Variants in ANTXRL observed in about 807,000 individuals in gnomAD.
ANTXRL encodes the protein anthrax toxin receptor-like.
ANTXRL carries 63 observed loss-of-function variants against 75.4 expected under a neutral mutation model. The observed-to-expected ratio is 0.84, with a 90% confidence interval of 0.68 to 1.03. The LOEUF (loss-of-function observed/expected upper bound fraction) is 1.03. ANTXRL is among the 50% of genes least tolerant of loss of function. The pLI, the probability that ANTXRL is intolerant of heterozygous loss-of-function variation, is 0.00. For synonymous variants in ANTXRL, 335 were observed against 291.3 expected (o/e 1.15, Z -1.53); for missense variants, 797 against 789.4 (o/e 1.01, Z -0.12).
Position 46,313,267 on chromosome 10 carries a change from AC to A in ANTXRL, c.1362del (p.His454GlnfsTer23). The A allele has an allele frequency of 6.5e-7, 1 of 1,535,818 alleles. No homozygotes were observed. Among genetic ancestry groups the A allele is most frequent in the Non-Finnish European group, 8.7e-7 (1 of 1,146,706 alleles). On this transcript the variant is annotated frameshift_variant, in exon 16 of 17. Transcript: ENST00000620264. LOFTEE classifies it high-confidence loss of function. ...CTGGATACCTTTTGTGACCTCTCTC[AC>A]GCAAGCTGCCACCAGGTGCCATGGA... Reference protein sequence around the residue: ...GNLDTFCDLSHASCHQVPWMC... With the variant: ...GNLDTFCDLSXASCHQVPWMC...
chr10:46,316,964 C>G (rs956074883), intron 16 of ANTXRL, among the ~76,000 whole-genome samples: 7 of 152,142 alleles, frequency 4.6e-5, no homozygotes, highest in Non-Finnish European at 8.8e-5. Context: ...CATGTGAGTG[C>G]ACACTGCAAG....
At chr10:46,298,765 C>T (rs1350579689) in intron 9 of ANTXRL, among the ~76,000 whole-genome samples, 5 of 147,230 alleles carry the variant, frequency 3.4e-5, no homozygotes, top group Non-Finnish European at 6.0e-5. Flanking sequence ...TGTGTGTTTG[C>T]TATTTATGTG....
chr10:46,294,050 T>C (rs1263012836), intron 3 of ANTXRL, 150 bp downstream of exon 3: 3 of 662,828 alleles, frequency 4.5e-6, no homozygotes, highest in African/African-American at 3.7e-5. Context: ...CCACCTGACC[T>C]TAGCCCCGGC....
At chr10:46,321,443 C>T (rs1288609464) in intron 16 of ANTXRL, among the ~76,000 whole-genome samples, 1 of 152,112 alleles carries the variant, frequency 6.6e-6, no homozygotes, top group Non-Finnish European at 1.5e-5. Flanking sequence ...TATATACAGT[C>T]CCAAGAGTCT....
Position 46,311,684 on chromosome 10 carries a change from A to G in ANTXRL, c.1329+19A>G. 1.1e-6 allele frequency: 1 copy of G among 878,838 alleles called. No individual in the cohort carries two copies. Among genetic ancestry groups the G allele is most frequent in the Non-Finnish European group, 1.8e-6 (1 of 548,638 alleles). 54.4% of individuals were successfully genotyped at this position (878,838 alleles called of 1,614,324 possible). On this transcript the variant is annotated intron_variant, in intron 15 of 16. Transcript: ENST00000620264. The stretch of plus-strand genomic sequence containing the variant: ...GATAGAGGTGAGAAGGGCACAGTGG[A>G]GAGGGGCTGTGACCCCAGCATGGGA...
Position 46,311,642 on chromosome 10 carries a change from G to C in ANTXRL, c.1306G>C (p.Val436Leu). The C allele has an allele frequency of 8.3e-7, 1 of 1,201,320 alleles. No individual in the cohort carries two copies. Among genetic ancestry groups the C allele is most frequent in the Middle Eastern group, 1.9e-4 (1 of 5,366 alleles). 74.4% of individuals were successfully genotyped at this position (1,201,320 alleles called of 1,614,324 possible). A position where few individuals can be genotyped will look rare whatever the true frequency, so the allele number is the denominator to read the frequency against. The stretch of plus-strand genomic sequence containing the variant: ...TATTTGTTGCTGTGGATGCCAAGGA[G>C]TGGGCGGGATGAGAAGGATAGAGGT... ...VIICCCGCQG[V>L]GGMRRIEGNL... Residue 436 changes from valine to leucine, a missense_variant, in exon 15 of 17, where the codon GTG (valine) becomes CTG (leucine). Val to Leu is a conservative substitution (Grantham distance 32). Around this residue, in one of 3 missense-constraint regions of ANTXRL, gnomAD observed 479 missense variants for 422.0 expected, o/e 1.14. Coordinates refer to ENST00000620264, the MANE Select transcript of ANTXRL (RefSeq NM_001278688.3).
chr10:46,317,542 CA>C (rs1353936932), intron 16 of ANTXRL, among the ~76,000 whole-genome samples: 2 of 152,160 alleles, frequency 1.3e-5, no homozygotes, highest in African/African-American at 4.8e-5. Context: ...GACCAAGGGA[CA>C]GGGGTGGCAA....
chr10:46,291,396 T>A (rs1317667773), intron 1 of ANTXRL, among the ~76,000 whole-genome samples: 1 of 151,936 alleles, frequency 6.6e-6, no homozygotes, highest in African/African-American at 2.4e-5. Flanking sequence ...TTTCAGATTT[T>A]TTTTTTTGCT....
intron 16 of ANTXRL, among the ~76,000 whole-genome samples, chr10:46,322,764 T>G (rs1015512953): frequency 6.6e-6 from 1 of 152,194 alleles, no homozygotes; most frequent in African/African-American, 2.4e-5. Context: ...AAATTTGTTT[T>G]TCCAAATCAA....
rs1838530752 is a variant in ANTXRL at position 46,313,225 on chromosome 10, T to C, written c.1330-11T>C. The C allele has an allele frequency of 6.5e-7, 1 of 1,535,558 alleles. No homozygotes were observed. The highest frequency in any genetic ancestry group is 8.7e-7 in the Non-Finnish European group (1 of 1,146,588). On this transcript the variant is annotated splice_polypyrimidine_tract_variant and intron_variant, in intron 15 of 16. Coordinates refer to ENST00000620264, the MANE Select transcript of ANTXRL (RefSeq NM_001278688.3). Reference sequence around the variant, plus strand: ...GCTGCATGTCTTCCTCATGGCCACGTTGCTTTTCAGGGCAATCTGGATACC... The same window carrying C: ...GCTGCATGTCTTCCTCATGGCCACGCTGCTTTTCAGGGCAATCTGGATACC...
intron 1 of ANTXRL, among the ~76,000 whole-genome samples, chr10:46,290,417 A>G (rs1836938477): frequency 6.6e-6 from 1 of 152,046 alleles, no homozygotes; most frequent in African/African-American, 2.4e-5. Flanking sequence ...GCTGCTATGA[A>G]CGCTGGTGTA....
At chr10:46,316,706 G>A (rs1338344384) in intron 16 of ANTXRL, among the ~76,000 whole-genome samples, 1 of 152,124 alleles carries the variant, frequency 6.6e-6, no homozygotes, top group African/African-American at 2.4e-5. Flanking sequence ...TCTCTACAGT[G>A]CAAAATGTCA....
At chr10:46,310,855 C>T (rs1379632946) in intron 14 of ANTXRL, among the ~76,000 whole-genome samples, 4 of 152,128 alleles carry the variant, frequency 2.6e-5, no homozygotes, top group African/African-American at 9.7e-5. Flanking sequence ...AGGGACCTGG[C>T]CCTGTCCCCA....
intron 7 of ANTXRL, 101 bp downstream of exon 7, chr10:46,297,575 A>G (rs1298273576): frequency 1.9e-4 from 237 of 1,278,486 alleles, no homozygotes; most frequent in Middle Eastern, 2.6e-4. Context: ...AAGCTGCCCC[A>G]AGTGAGTTGG....
chr10:46,315,228 C>T (rs562043034), intron 16 of ANTXRL, among the ~76,000 whole-genome samples: 10 of 152,332 alleles, frequency 6.6e-5, no homozygotes, highest in African/African-American at 2.4e-4. Flanking sequence ...GTGAGCTCAG[C>T]AGCTTCCTGC....
chr10:46,288,343 G>T (rs1351769533), intron 1 of ANTXRL, among the ~76,000 whole-genome samples: 1 of 152,070 alleles, frequency 6.6e-6, no homozygotes, highest in African/African-American at 2.4e-5. Context: ...TTTTCTATCT[G>T]GTTCCTGGAC....
Position 46,297,494 on chromosome 10 carries a change from C to G in ANTXRL, c.654+20C>G. ...GATCAGGTAATTCCAAGCAGGTAAC[C>G]AGGCGCCACTTTCAAGCCTAGTGGT... is the stretch of plus-strand genomic sequence containing the variant. On this transcript the variant is annotated intron_variant, in intron 7 of 16. Transcript: ENST00000620264. The G allele has an allele frequency of 6.5e-7, 1 of 1,534,570 alleles. No homozygotes were observed. The highest frequency in any genetic ancestry group is 8.7e-7 in the Non-Finnish European group (1 of 1,146,044).
At chr10:46,320,262 C>T (rs549381301) in intron 16 of ANTXRL, among the ~76,000 whole-genome samples, 2 of 152,274 alleles carry the variant, frequency 1.3e-5, no homozygotes, top group South Asian at 4.1e-4. Context: ...GGGGAACCCA[C>T]TGTATGAAAT....
intron 9 of ANTXRL, among the ~76,000 whole-genome samples, chr10:46,298,392 G>A (rs1222448650): frequency 6.6e-6 from 1 of 151,824 alleles, no homozygotes; most frequent in Non-Finnish European, 1.5e-5. Flanking sequence ...TGTGAGTGTG[G>A]TGTGTGTGGG....
Sources: allele counts gnomAD v4.1 joint callset (sites outside exome capture counted in the v4.1 genomes callset), GRCh38; gene constraint gnomAD v4.1.1; regional missense constraint gnomAD v4.1.1; transcripts MANE v1.5; gene names NCBI Gene and HGNC (gene_info 2026-07-23, HGNC 2026-07-21).